Variants in ANPEP observed in about 807,000 individuals in gnomAD.
The protein encoded by ANPEP is aminopeptidase N.
A neutral mutation model predicts 114.6 loss-of-function variants in ANPEP; 70 were observed. That is an observed-to-expected ratio of 0.61 (90% confidence interval 0.50 to 0.75). The LOEUF (loss-of-function observed/expected upper bound fraction) is 0.75, where lower values mean the gene tolerates loss of function less well. Ranked by LOEUF, ANPEP falls within the 30% of genes least tolerant of loss-of-function variation. The pLI is 0.00. For synonymous variants in ANPEP, 548 were observed against 522.3 expected (o/e 1.05, Z -0.67); for missense variants, 1,184 against 1,259.5 (o/e 0.94, Z 0.91).
Position 89,806,747 on chromosome 15 carries a change from A to G in ANPEP, c.-164T>C. 1 of 1,135,398 alleles carries G rather than the reference A, an allele frequency of 8.8e-7. No homozygotes were observed. The highest frequency in any genetic ancestry group is 2.6e-5 in the East Asian group (1 of 38,404). The allele number at this position is 1,135,398 out of a possible 1,614,324, so 70.3% of individuals were successfully genotyped here. ...GAAGGTCACTGGACTGGGCAGGGGC[A>G]CGCTCCGCCTGGGGAGAGGAGATCC... On this transcript the variant is annotated 5_prime_UTR_variant, in exon 2 of 21. Transcript: ENST00000300060. The surrounding 1 kb of genome is among the most constrained non-coding windows in gnomAD (Gnocchi z 5.7).
chr15:89,791,033 G>C lies in ANPEP; in HGVS notation c.2589C>G (p.Ile863Met). 1 of 1,614,244 alleles carries C rather than the reference G, an allele frequency of 6.2e-7. No homozygotes were observed. The highest frequency in any genetic ancestry group is 8.5e-7 in the Non-Finnish European group (1 of 1,180,040). ...CAATGACGTTGTTGGTAATGCTGAT[G>C]ATGGTAGAGGTGGCGTCCTGCTTCC... is the stretch of plus-strand genomic sequence containing the variant. ...LIRKQDATST[I>M]ISITNNVIGQ... is the part of the protein sequence containing the mutation. The change falls in exon 19 of 21, where the codon ATC becomes ATG. Residue 863 changes from isoleucine (I) to methionine (M), a missense_variant. Ile to Met is a conservative substitution (Grantham distance 10, BLOSUM62 1). Transcript: ENST00000300060.
chr15:89,802,903 G>T (rs1894625102), intron 10 of ANPEP, among the ~76,000 whole-genome samples: 1 of 152,062 alleles, frequency 6.6e-6, no homozygotes, highest in South Asian at 2.1e-4. Context: ...TGGGGAGAAG[G>T]TTGAATGTCA....
chr15:89,807,774 G>A (rs1389507581), intron 1 of ANPEP, among the ~76,000 whole-genome samples: 2 of 152,144 alleles, frequency 1.3e-5, no homozygotes, highest in African/African-American at 4.8e-5. Flanking sequence ...TGGTAGAAAT[G>A]AAGATATTAC....
At chr15:89,788,907 A>C (rs1968563054) in intron 20 of ANPEP, among the ~76,000 whole-genome samples, 1 of 151,780 alleles carries the variant, frequency 6.6e-6, no homozygotes, top group Non-Finnish European at 1.5e-5. Flanking sequence ...GGCATGAAGC[A>C]CCCCACCCAC....
At chr15:89,786,980 T>C (rs1968518638) in intron 20 of ANPEP, among the ~76,000 whole-genome samples, 1 of 150,446 alleles carries the variant, frequency 6.6e-6, no homozygotes, top group Non-Finnish European at 1.5e-5. Context: ...TCATATCATA[T>C]ACAAATATTA....
intron 12 of ANPEP, 30 bp downstream of exon 12, chr15:89,801,081 G>C (rs769825239): frequency 6.3e-6 from 10 of 1,598,712 alleles, no homozygotes; most frequent in Non-Finnish European, 6.9e-6. Flanking sequence ...TGGGGTGGGG[G>C]CTGCTGCCCA....
At chr15:89,809,056 T>C (rs1894773799) in intron 1 of ANPEP, among the ~76,000 whole-genome samples, 1 of 152,128 alleles carries the variant, frequency 6.6e-6, no homozygotes, top group South Asian at 2.1e-4. Context: ...CCATTAGGCT[T>C]GGGTGATGAC....
At position 89,805,946 on chromosome 15, in the gene ANPEP, C is replaced by G. The variant is rs1894701525; in HGVS notation, c.614+24G>C. On this transcript the variant is annotated intron_variant, in intron 2 of 20. Transcript: ENST00000300060. ...GCCTCAGCACCTCGGATCCACCCCACCGGGCAGCCCAGCCGGAACTCACTT... is the reference window on the plus strand; with the variant it reads ...GCCTCAGCACCTCGGATCCACCCCAGCGGGCAGCCCAGCCGGAACTCACTT... 3.8e-6 allele frequency: 6 copies of G among 1,565,494 alleles called. No individual in the cohort carries two copies. The African/African-American group carries it at 8.1e-5, about 21-fold the overall frequency.
At chr15:89,793,788 C>G (rs1357094022) in intron 15 of ANPEP, among the ~76,000 whole-genome samples, 7 of 151,818 alleles carry the variant, frequency 4.6e-5, no homozygotes, top group African/African-American at 1.7e-4. Flanking sequence ...TAAAACACAC[C>G]CAGGAGCTCA....
chr15:89,801,346 A>G, intron 11 of ANPEP, 89 bp downstream of exon 11: 1 of 1,563,446 alleles, frequency 6.4e-7, no homozygotes, highest in African/African-American at 1.3e-5. Context: ...TGGGGCTGGG[A>G]CCACAGGAGG....
intron 15 of ANPEP, among the ~76,000 whole-genome samples, chr15:89,793,962 A>AG (rs1243304943): frequency 6.6e-6 from 1 of 152,120 alleles, no homozygotes; most frequent in Non-Finnish European, 1.5e-5. Flanking sequence ...TTGACATGGC[A>AG]GGTTGATTTC....
At position 89,785,214 on chromosome 15, in the gene ANPEP, G is replaced by A. The variant is rs565685649; in HGVS notation, c.*135C>T. The A allele has an allele frequency of 2.5e-4, 294 of 1,188,408 alleles. No homozygotes were observed. Among genetic ancestry groups the A allele is most frequent in the South Asian group, 2.0e-4 (14 of 69,184 alleles). 73.6% of individuals were successfully genotyped at this position (1,188,408 alleles called of 1,614,324 possible). A position where few individuals can be genotyped will look rare whatever the true frequency, so the allele number is the denominator to read the frequency against. Reference sequence around the variant, plus strand: ...AGACTGGCTCACAGGCAGAGAGAACGTGGGCTGGAGACTTTGTCCTTGAGG... The same window carrying A: ...AGACTGGCTCACAGGCAGAGAGAACATGGGCTGGAGACTTTGTCCTTGAGG... On this transcript the variant is annotated 3_prime_UTR_variant, in exon 21 of 21. Coordinates refer to ENST00000300060, the MANE Select transcript of ANPEP (RefSeq NM_001150.3).
In ANPEP at chr15:89,805,220, G is replaced by A. The variant is rs1390621239; in HGVS notation, c.758-3C>T. The stretch of plus-strand genomic sequence containing the variant: ...TTCTGGAAGTGGGGTGCTGGGACCT[G>A]GGCAGGGAGCATGTGTGTGTGAGGA... On this transcript the variant is annotated splice_region_variant and splice_polypyrimidine_tract_variant and intron_variant, in intron 3 of 20. Coordinates refer to ENST00000300060, the MANE Select transcript of ANPEP (RefSeq NM_001150.3). 1 of 1,614,216 alleles carries A rather than the reference G, an allele frequency of 6.2e-7. No individual in the cohort carries two copies. The highest frequency in any genetic ancestry group is 1.1e-5 in the South Asian group (1 of 91,088).
intron 20 of ANPEP, among the ~76,000 whole-genome samples, chr15:89,786,023 C>A (rs1249089768): frequency 3.3e-5 from 5 of 152,036 alleles, no homozygotes; most frequent in Non-Finnish European, 2.9e-5. Flanking sequence ...TTAAGGAATC[C>A]ATTAAAAAAT....
intron 1 of ANPEP, among the ~76,000 whole-genome samples, chr15:89,814,418 G>A (rs1894871327): frequency 6.6e-6 from 1 of 152,092 alleles, no homozygotes; most frequent in African/African-American, 2.4e-5. Context: ...GGCCGAGCCG[G>A]GTCCACCCGC....
chr15:89,792,907 C>T, intron 16 of ANPEP, 128 bp downstream of exon 16: 1 of 841,110 alleles, frequency 1.2e-6, no homozygotes, highest in Non-Finnish European at 2.0e-6. Flanking sequence ...CCTCCCTGCT[C>T]CTGGGTGGGG....
Position 89,806,781 on chromosome 15 carries a change from T to G in ANPEP, c.-198A>C. The G allele has an allele frequency of 1.3e-4, 107 of 841,076 alleles. No homozygotes were observed. The highest frequency in any genetic ancestry group is 1.7e-4 in the Non-Finnish European group (99 of 570,096). 52.1% of individuals were successfully genotyped at this position (841,076 alleles called of 1,614,324 possible). ...CTGGGGAGAGGAGATCCAGGAACGG[T>G]GTGTGGAGCTGGGCTCGGGGGGTGC... On this transcript the variant is annotated 5_prime_UTR_variant, in exon 2 of 21. Coordinates refer to ENST00000300060, the MANE Select transcript of ANPEP (RefSeq NM_001150.3). The surrounding 1 kb of genome is among the most constrained non-coding windows in gnomAD (Gnocchi z 5.7).
chr15:89,786,704 A>G (rs1381053288), intron 20 of ANPEP, among the ~76,000 whole-genome samples: 1 of 152,120 alleles, frequency 6.6e-6, no homozygotes, highest in African/African-American at 2.4e-5. Flanking sequence ...AAAAAAAAAA[A>G]AGCAAATTGG....
chr15:89,793,039 C>A lies in ANPEP; in HGVS notation c.2245G>T (p.Asp749Tyr). The A allele has an allele frequency of 6.2e-7, 1 of 1,613,782 alleles. No homozygotes were observed. The highest frequency in any genetic ancestry group is 8.5e-7 in the Non-Finnish European group (1 of 1,179,686). The change falls in exon 16 of 21, where the codon GAC (aspartate) becomes TAC (tyrosine). Residue 749 changes from aspartate (D) to tyrosine (Y), a missense_variant. Physicochemically the swap from Asp to Tyr is radical, Grantham distance 160. Coordinates refer to ENST00000300060, the MANE Select transcript of ANPEP (RefSeq NM_001150.3). Reference protein sequence around the residue: ...NWREIPENLMDQYSEVNAIST... With the variant: ...NWREIPENLMYQYSEVNAIST... ...CCCATGAGAGCTCCCACTCACTGGT[C>A]CATCAGGTTTTCTGGGATCTCCCTC...
Sources: allele counts gnomAD v4.1 joint callset (sites outside exome capture counted in the v4.1 genomes callset), GRCh38; gene constraint gnomAD v4.1.1; non-coding constraint Gnocchi (gnomAD v3.1); transcripts MANE v1.5; gene names NCBI Gene and HGNC (gene_info 2026-07-23, HGNC 2026-07-21).